Variants in APAF1 observed in about 807,000 individuals in gnomAD.
APAF1 encodes apoptotic peptidase activating factor 1, also known as apoptotic protease-activating factor 1.
APAF1 carries 91 observed loss-of-function variants against 152.4 expected under a neutral mutation model. The observed-to-expected ratio is 0.60, with a 90% CI of 0.50 to 0.71. The LOEUF is 0.71. APAF1 is among the 30% of genes least tolerant of loss of function. The pLI is 0.00. For synonymous variants in APAF1, 484 were observed against 494.1 expected (o/e 0.98, Z 0.27); for missense variants, 1,283 against 1,472.0 (o/e 0.87, Z 2.10).
At chr12:98,716,244 G>A (rs1236787252) in intron 22 of APAF1, among the ~76,000 whole-genome samples, 3 of 152,102 alleles carry the variant, frequency 2.0e-5, no homozygotes, top group African/African-American at 7.2e-5. Flanking sequence ...GTTATCTACC[G>A]AATTCCCTAC....
Position 98,722,076 on chromosome 12 carries a change from C to T in APAF1, c.3085-1117C>T, listed in dbSNP as rs141569889. On this transcript the variant is annotated intron_variant, in intron 22 of 26. Coordinates refer to ENST00000551964, the MANE Select transcript of APAF1 (RefSeq NM_181861.2). ...CCTTTTTTCTCTTCTGTTTCTTCTG[C>T]GTCTCCTATGCTCTAGTCAGATGGA... Among the ~76,000 whole-genome samples the T allele has an allele frequency of 9.7e-3, 1,483 of 152,286 alleles. 42 individuals carry two copies. Among genetic ancestry groups the T allele is most frequent in the Admixed American group, 0.037 (568 of 15,298 alleles).
chr12:98,680,210 T>C, intron 13 of APAF1, 67 bp from the exon 14 acceptor site: 1 of 1,485,698 alleles, frequency 6.7e-7, no homozygotes, highest in East Asian at 2.5e-5. Context: ...ACTTAAAGAT[T>C]TTTATTGAAT....
intron 4 of APAF1, among the ~76,000 whole-genome samples, chr12:98,654,412 A>C (rs2097653721): frequency 6.6e-6 from 1 of 151,938 alleles, no homozygotes; most frequent in Non-Finnish European, 1.5e-5. Context: ...GATTTTTACA[A>C]ATTTTATTTT....
chr12:98,690,136 C>T (rs1158761874), intron 16 of APAF1, among the ~76,000 whole-genome samples: 1 of 152,178 alleles, frequency 6.6e-6, no homozygotes, highest in East Asian at 1.9e-4. Context: ...GCTACTAACT[C>T]CTGAGAAAGG....
chr12:98,731,138 ATTGT>A (rs2097760579), intron 26 of APAF1, among the ~76,000 whole-genome samples: 1 of 152,176 alleles, frequency 6.6e-6, no homozygotes, highest in African/African-American at 2.4e-5. Flanking sequence ...CTTGCACAAG[ATTGT>A]TTAACTTCTG....
chr12:98,680,404 T>A lies in APAF1; in HGVS notation c.2046+2T>A, dbSNP rs779212954. 1.2e-6 allele frequency: 2 copies of A among 1,612,686 alleles called. No homozygotes were observed. Among genetic ancestry groups the A allele is most frequent in the Non-Finnish European group, 1.7e-6 (2 of 1,179,922 alleles). ...TGCTCAGTGGATAAAAAAGTGAAGG[T>A]AGGAAAATCTTTTCCTCTTGAGTTG... On this transcript the variant is annotated splice_donor_variant, in intron 14 of 26. Transcript: ENST00000551964. LOFTEE classifies it high-confidence loss of function.
intron 22 of APAF1, among the ~76,000 whole-genome samples, chr12:98,716,419 A>C (rs1459380038): frequency 6.6e-6 from 1 of 152,218 alleles, no homozygotes; most frequent in Non-Finnish European, 1.5e-5. Flanking sequence ...GGTACTGTGA[A>C]TGCATTTTTT....
At chr12:98,693,913 GTCTAAAGA>G (rs1366338875) in intron 16 of APAF1, among the ~76,000 whole-genome samples, 1 of 149,878 alleles carries the variant, frequency 6.7e-6, no homozygotes, top group Non-Finnish European at 1.5e-5. Flanking sequence ...TTATTATAAT[GTCTAAAGA>G]TGTCTCTGTT....
chr12:98,721,188 C>G (rs1421362890), intron 22 of APAF1, among the ~76,000 whole-genome samples: 1 of 152,174 alleles, frequency 6.6e-6, no homozygotes, highest in South Asian at 2.1e-4. Flanking sequence ...ACAACAACAA[C>G]AAATCACTCA....
intron 16 of APAF1, among the ~76,000 whole-genome samples, chr12:98,697,417 G>A (rs80188674): frequency 0.019 from 2,957 of 152,254 alleles, 36 homozygotes; most frequent in Non-Finnish European, 0.031. Context: ...CATTTATATA[G>A]TCTCAAAGTG....
chr12:98,721,302 GCTGT>G (rs2097742381), intron 22 of APAF1, among the ~76,000 whole-genome samples: 1 of 152,190 alleles, frequency 6.6e-6, no homozygotes, highest in Admixed American at 6.5e-5. Flanking sequence ...GCTCCAGAAG[GCTGT>G]CTGAGTTCTT....
chr12:98,715,194 T>G (rs2097732745), intron 21 of APAF1, among the ~76,000 whole-genome samples: 1 of 140,622 alleles, frequency 7.1e-6, no homozygotes, highest in South Asian at 2.3e-4. Context: ...AGTGTTTTAT[T>G]TTAGGGTCCA....
chr12:98,665,691 A>G lies in APAF1; in HGVS notation c.1094A>G (p.Asp365Gly). 1 of 1,614,026 alleles carries G rather than the reference A, an allele frequency of 6.2e-7. No homozygotes were observed. The highest frequency in any genetic ancestry group is 8.5e-7 in the Non-Finnish European group (1 of 1,179,920). The change falls in exon 8 of 27, where the codon GAT becomes GGT. Residue 365 changes from aspartate to glycine, a missense_variant. Asp to Gly is a moderately conservative substitution (Grantham distance 94). Transcript: ENST00000551964. ...KSSSYDYEAL[D>G]EAMSISVEML... ...TCGTCTTATGATTATGAGGCTCTAGATGAAGCCATGTCTATAAGTGTTGAA... is the reference window on the plus strand; with the variant it reads ...TCGTCTTATGATTATGAGGCTCTAGGTGAAGCCATGTCTATAAGTGTTGAA...
At chr12:98,719,020 C>T (rs538516011) in intron 22 of APAF1, among the ~76,000 whole-genome samples, 6 of 152,266 alleles carry the variant, frequency 3.9e-5, no homozygotes, top group African/African-American at 1.2e-4. Context: ...TCCTTTGATG[C>T]CCTTATCCTC....
In APAF1 at chr12:98,665,645, T is replaced by C. The variant is rs2097671766; in HGVS notation, c.1048T>C (p.Phe350Leu). Residue 350 changes from phenylalanine (F) to leucine (L), a missense_variant, in exon 8 of 27, where the codon TTT becomes CTT. Coordinates refer to ENST00000551964, the MANE Select transcript of APAF1 (RefSeq NM_181861.2). ...CCTCAAACAGCTTCAGAATAAGCAGTTTAAGAGAATAAGGAAATCTTCGTC... is the reference window on the plus strand; with the variant it reads ...CCTCAAACAGCTTCAGAATAAGCAGCTTAAGAGAATAAGGAAATCTTCGTC... ...YYLKQLQNKQ[F>L]KRIRKSSSYD... 5 of 1,613,932 alleles carry C rather than the reference T, an allele frequency of 3.1e-6. No homozygotes were observed. In the East Asian group the frequency reaches 1.1e-4, roughly 36 times the overall value.
chr12:98,689,474 C>CTGTGTGTG (rs796807068), intron 16 of APAF1, among the ~76,000 whole-genome samples: 36 of 133,576 alleles, frequency 2.7e-4, no homozygotes, highest in African/African-American at 9.5e-4. Context: ...GTGTGTGTGT[C>CTGTGTGTG]TGTGTGTGTG....
intron 19 of APAF1, among the ~76,000 whole-genome samples, chr12:98,707,838 A>T (rs1195853467): frequency 6.6e-6 from 1 of 152,172 alleles, no homozygotes; most frequent in Non-Finnish European, 1.5e-5. Context: ...AATATAAATC[A>T]ACACATTGCT....
At position 98,715,498 on chromosome 12, in the gene APAF1, G is replaced by A; in HGVS notation, c.3030G>A (p.Gln1010=). 6.2e-7 allele frequency: 1 copy of A among 1,613,658 alleles called. No homozygotes were observed. The change falls in exon 22 of 27, where the codon CAG becomes CAA. Residue 1010 remains glutamine (Q), a synonymous_variant. Transcript: ENST00000551964. ...ACAAGAAAACTGTATGGCACATCCA[G>A]TTCACAGCCGATGAGAAGACTCTTA... ...FQHKKTVWHI[Q]FTADEKTLIS...
At chr12:98,667,706 T>C in intron 10 of APAF1, 62 bp downstream of exon 10, 1 of 1,527,986 alleles carries the variant, frequency 6.5e-7, no homozygotes, top group Non-Finnish European at 9.0e-7. Context: ...GTATTACAAA[T>C]AAGTGCTTTT....
Sources: allele counts gnomAD v4.1 joint callset (sites outside exome capture counted in the v4.1 genomes callset), GRCh38; gene constraint gnomAD v4.1.1; transcripts MANE v1.5; gene names NCBI Gene and HGNC (gene_info 2026-07-23, HGNC 2026-07-21).